Variants in SPNS3 observed in about 807,000 individuals in gnomAD.
SPNS3 encodes the protein SPNS lysolipid transporter 3, sphingosine-1-phosphate (putative), also known as protein spinster homolog 3.
A neutral mutation model predicts 54.4 loss-of-function variants in SPNS3; 51 were observed. That is an observed-to-expected ratio of 0.94 (90% CI 0.75 to 1.18). The LOEUF is 1.18. SPNS3 is among the 50% of genes most tolerant of loss of function. The probability of loss-of-function intolerance (pLI) is 0.00; values close to 1 mark genes in which losing one functional copy is unlikely to be tolerated. For missense variants in SPNS3, 669 were observed against 677.4 expected (o/e 0.99, Z 0.14); for synonymous variants, 309 against 294.7 (o/e 1.05, Z -0.50).
chr17:4,445,194 C>T (rs1284305186), intron 3 of SPNS3, 26 bp downstream of exon 3: 3 of 1,583,044 alleles, frequency 1.9e-6, no homozygotes, highest in Non-Finnish European at 2.6e-6. Context: ...CCTGTCCAGG[C>T]CCCTGAGGCC....
In SPNS3 at chr17:4,446,076, G is replaced by A. The variant is rs756360409; in HGVS notation, c.431G>A (p.Gly144Asp). 4 of 1,611,484 alleles carry A rather than the reference G, an allele frequency of 2.5e-6. No individual in the cohort carries two copies. Among genetic ancestry groups the A allele is most frequent in the Admixed American group, 1.7e-5 (1 of 59,810 alleles). ...TCTTGGCTCTTCTTCCTGTCCCGGG[G>A]CATCGTGGGCACTGGCTCGGCCAGC... The part of the protein sequence containing the change: ...RYSWLFFLSR[G>D]IVGTGSASYS... Residue 144 changes from glycine (G) to aspartate (D), a missense_variant, in exon 4 of 12, where the codon GGC becomes GAC. Transcript: ENST00000355530.
At chr17:4,478,787 C>G in intron 9 of SPNS3, 150 bp downstream of exon 9, 1 of 703,068 alleles carries the variant, frequency 1.4e-6, no homozygotes. Context: ...CCAGAGGCCT[C>G]TCTGACACTC....
Position 4,445,167 on chromosome 17 carries a change from G to A in SPNS3, c.401G>A (p.Arg134Gln), listed in dbSNP as rs141797761. The change falls in exon 3 of 12, where the codon CGG becomes CAG. Residue 134 changes from arginine (R) to glutamine (Q), a missense_variant and splice_region_variant. Arg to Gln is a conservative substitution (Grantham distance 43). Transcript: ENST00000355530. ...CTCTCTAGCTCCTTCATCTCCCCCCGGGTACGTGTCCATGCCCCTGTCCAG... is the reference window on the plus strand; with the variant it reads ...CTCTCTAGCTCCTTCATCTCCCCCCAGGTACGTGTCCATGCCCCTGTCCAG... The part of the protein sequence containing the change: ...AGLSSSFISP[R>Q]YSWLFFLSRG... 23 of 1,611,938 alleles carry A rather than the reference G, an allele frequency of 1.4e-5. No individual in the cohort carries two copies. Among genetic ancestry groups the A allele is most frequent in the Middle Eastern group, 1.6e-4 (1 of 6,076 alleles).
At chr17:4,487,718 T>C in intron 11 of SPNS3, 88 bp from the exon 12 acceptor site, 1 of 1,185,184 alleles carries the variant, frequency 8.4e-7, no homozygotes, top group Non-Finnish European at 1.3e-6. Flanking sequence ...ACAGAGAGGA[T>C]TTCCTGACAG....
chr17:4,472,358 G>A (rs1971877068), intron 8 of SPNS3, among the ~76,000 whole-genome samples: 1 of 152,138 alleles, frequency 6.6e-6, no homozygotes. Flanking sequence ...CCATTCCATT[G>A]TCCAAAGGGG....
At chr17:4,451,038 G>A (rs1332016920) in intron 7 of SPNS3, among the ~76,000 whole-genome samples, 4 of 152,048 alleles carry the variant, frequency 2.6e-5, no homozygotes, top group Non-Finnish European at 5.9e-5. Context: ...CCTGCTTAGG[G>A]GCTGGCGGGG....
intron 2 of SPNS3, 111 bp downstream of exon 2, chr17:4,439,834 C>A: frequency 9.9e-7 from 1 of 1,006,134 alleles, no homozygotes; most frequent in Non-Finnish European, 1.5e-6. Flanking sequence ...TCCCCTGGCA[C>A]AGAGGGTGGG....
Position 4,486,568 on chromosome 17 carries a change from T to C in SPNS3, c.1435T>C (p.Trp479Arg). The C allele has an allele frequency of 6.2e-7, 1 of 1,612,242 alleles. No homozygotes were observed. Among genetic ancestry groups the C allele is most frequent in the Non-Finnish European group, 8.5e-7 (1 of 1,179,346 alleles). Residue 479 changes from tryptophan to arginine, a missense_variant, in exon 11 of 12, where the codon TGG becomes CGG. By Grantham distance (101) the Trp-to-Arg change is moderately radical. Transcript: ENST00000355530. The surrounding 1 kb of genome is among the most constrained non-coding windows in gnomAD (Gnocchi z 5.5). ...CCTGGAGAGAGACGAGACCCGGGCC[T>C]GGCAGCCTGTCACAGGTACCCTACC... ...LYLERDETRA[W>R]QPVTGTPDSN...
At position 4,446,071 on chromosome 17, in the gene SPNS3, C is replaced by T. The variant is rs1231429795; in HGVS notation, c.426C>T (p.Ser142=). The T allele has an allele frequency of 3.7e-6, 6 of 1,611,282 alleles. No homozygotes were observed. The highest frequency in any genetic ancestry group is 2.7e-5 in the African/African-American group (2 of 74,856). The change falls in exon 4 of 12, where the codon TCC becomes TCT. Residue 142 remains serine (S), a synonymous_variant. Coordinates refer to ENST00000355530, the MANE Select transcript of SPNS3 (RefSeq NM_182538.5). ...AGTATTCTTGGCTCTTCTTCCTGTC[C>T]CGGGGCATCGTGGGCACTGGCTCGG... is the stretch of plus-strand genomic sequence containing the variant. ...SPRYSWLFFL[S]RGIVGTGSAS...
chr17:4,442,609 A>G (rs1366134932), intron 2 of SPNS3, among the ~76,000 whole-genome samples: 1 of 152,106 alleles, frequency 6.6e-6, no homozygotes, highest in African/African-American at 2.4e-5. Flanking sequence ...CACCCATGGG[A>G]TAGAGAAGCT....
At position 4,486,382 on chromosome 17, in the gene SPNS3, C is replaced by T. The variant is rs1167089312; in HGVS notation, c.1279-30C>T. On this transcript the variant is annotated intron_variant, in intron 10 of 11. Coordinates refer to ENST00000355530, the MANE Select transcript of SPNS3 (RefSeq NM_182538.5). The surrounding 1 kb of genome is among the most constrained non-coding windows in gnomAD (Gnocchi z 5.5). Reference sequence around the variant, plus strand: ...AGGGTCTGGGGGCCAGGCTGGTGGGCCTGGCAGACTCATCCCTTCTCCTCC... The same window carrying T: ...AGGGTCTGGGGGCCAGGCTGGTGGGTCTGGCAGACTCATCCCTTCTCCTCC... 2 of 1,595,402 alleles carry T rather than the reference C, an allele frequency of 1.3e-6. No homozygotes were observed. Among genetic ancestry groups the T allele is most frequent in the Non-Finnish European group, 1.7e-6 (2 of 1,169,620 alleles).
intron 8 of SPNS3, among the ~76,000 whole-genome samples, chr17:4,454,299 G>A (rs1299853087): frequency 6.6e-6 from 1 of 152,248 alleles, no homozygotes; most frequent in Non-Finnish European, 1.5e-5. Context: ...ACATGGGAAA[G>A]GGCTACTGCT....
chr17:4,450,261 C>T (rs1385628258), intron 7 of SPNS3, among the ~76,000 whole-genome samples: 2 of 151,600 alleles, frequency 1.3e-5, no homozygotes, highest in East Asian at 3.9e-4. Context: ...CTCCTCCTTC[C>T]TCCTCTTTTC....
intron 8 of SPNS3, among the ~76,000 whole-genome samples, chr17:4,458,572 T>C (rs377413985): frequency 0.18 from 16,086 of 88,786 alleles, 2,904 homozygotes; most frequent in Admixed American, 0.3. Context: ...TTCCCTCCTT[T>C]CTTTCTTCCT....
rs1348268807 is a variant in SPNS3 at position 4,451,841 on chromosome 17, G to GT, written c.924-1174dup. 5.0e-3 allele frequency among the ~76,000 whole-genome samples: 686 copies of GT among 135,928 alleles called. 3 individuals are homozygous for GT. Among genetic ancestry groups the GT allele is most frequent in the Middle Eastern group, 8.6e-3 (2 of 232 alleles). The allele number at this position is 135,928 out of a possible 152,430, so 89.2% of individuals were successfully genotyped here. ...CCACCACTGTTCCCAGCTAATTTTT[G>GT]TATTTTTTTTTTTTTTTAGTAGAGA... On this transcript the variant is annotated intron_variant, in intron 7 of 11. Transcript: ENST00000355530.
At chr17:4,482,543 G>T (rs140678163) in intron 9 of SPNS3, 8 of 152,186 alleles carry the variant, frequency 5.3e-5, no homozygotes, top group Non-Finnish European at 1.0e-4. Context: ...CTCCAATGGG[G>T]AGCTCGTTCT....
At chr17:4,451,438 G>T (rs1971163568) in intron 7 of SPNS3, among the ~76,000 whole-genome samples, 2 of 151,784 alleles carry the variant, frequency 1.3e-5, no homozygotes, top group African/African-American at 4.8e-5. Context: ...TTTTGGTAGA[G>T]AATTTAGAGA....
intron 8 of SPNS3, among the ~76,000 whole-genome samples, chr17:4,460,916 T>C (rs959131930): frequency 1.3e-5 from 2 of 152,196 alleles, no homozygotes; most frequent in African/African-American, 4.8e-5. Context: ...GAAGACTTCA[T>C]GAAGAATTTG....
chr17:4,487,722 C>T, intron 11 of SPNS3, 84 bp from the exon 12 acceptor site: 3 of 1,240,254 alleles, frequency 2.4e-6, no homozygotes, highest in African/African-American at 2.9e-5. Flanking sequence ...AGAGGATTTC[C>T]TGACAGCCCG....
Sources: allele counts gnomAD v4.1 joint callset (sites outside exome capture counted in the v4.1 genomes callset), GRCh38; gene constraint gnomAD v4.1.1; non-coding constraint Gnocchi (gnomAD v3.1); transcripts MANE v1.5; gene names NCBI Gene and HGNC (gene_info 2026-07-23, HGNC 2026-07-21).